The following LYZL4 variants were observed in gnomAD, a reference collection of about 807,000 sequenced individuals.
LYZL4 encodes the protein lysozyme-like protein 4.
In LYZL4, 13 loss-of-function variants were observed where a neutral mutation model predicts 17.6. The observed-to-expected ratio is 0.74, with a 90% confidence interval of 0.48 to 1.18. The LOEUF is 1.18. Among genes scored for constraint, LYZL4 ranks in the 50% most tolerant of loss-of-function variants. The pLI, the probability that LYZL4 is intolerant of heterozygous loss-of-function variation, is 0.00. For missense variants in LYZL4, 174 were observed against 188.2 expected (o/e 0.92, Z 0.44); for synonymous variants, 64 against 67.7 (o/e 0.95, Z 0.27).
the LYZL4 span, among the ~76,000 whole-genome samples, chr3:42,383,569 C>G: frequency 4.0e-5 from 6 of 151,452 alleles, no homozygotes; most frequent in Admixed American, 1.3e-4. Flanking sequence ...GATCAACACA[C>G]ATCTTAGAGA....
chr3:42,393,398 C>T (rs1227973600), downstream of LYZL4, among the ~76,000 whole-genome samples: 4 of 151,946 alleles, frequency 2.6e-5, no homozygotes, highest in Admixed American at 1.3e-4. Flanking sequence ...TCTGTAGCAG[C>T]GTTTTTACTC....
intron 4 of LYZL4, among the ~76,000 whole-genome samples, chr3:42,399,343 T>C (rs761976450): frequency 1.3e-5 from 2 of 152,138 alleles, no homozygotes; most frequent in Non-Finnish European, 2.9e-5. Flanking sequence ...AAGGATACAA[T>C]TGAAAGAACA....
chr3:42,407,143 C>T lies in LYZL4; in HGVS notation c.109G>A (p.Asp37Asn). Reference sequence around the variant, plus strand: ...TCAAGGCTATAGCCCTCAAAATAATCCAGGCCTCCATCGTGGAGTTTCTTA... The same window carrying T: ...TCAAGGCTATAGCCCTCAAAATAATTCAGGCCTCCATCGTGGAGTTTCTTA... ...VAKKLHDGGL[D>N]YFEGYSLENW... Residue 37 changes from aspartate to asparagine, a missense_variant, in exon 2 of 5, where the codon GAT becomes AAT. Transcript: ENST00000287748. 6.2e-7 allele frequency: 1 copy of T among 1,614,180 alleles called. No homozygotes were observed.
downstream of LYZL4, among the ~76,000 whole-genome samples, chr3:42,394,696 A>G (rs1698528093): frequency 6.6e-6 from 1 of 152,204 alleles, no homozygotes; most frequent in Non-Finnish European, 1.5e-5. Flanking sequence ...ACCCATTATC[A>G]GTGGGCTTGG....
the LYZL4 span, among the ~76,000 whole-genome samples, chr3:42,381,676 G>A: frequency 1.3e-5 from 2 of 152,244 alleles, no homozygotes; most frequent in Non-Finnish European, 2.9e-5. Flanking sequence ...TAAAGGCCAA[G>A]TCTCATGGGA....
downstream of LYZL4, among the ~76,000 whole-genome samples, chr3:42,393,028 G>C (rs1206158941): frequency 1.3e-5 from 2 of 151,948 alleles, no homozygotes; most frequent in African/African-American, 4.8e-5. Context: ...GAAAAATAGT[G>C]AGCCAAAAGC....
At chr3:42,397,478 A>G in intron 4 of LYZL4, 144 bp from the exon 5 acceptor site, 2 of 613,870 alleles carry the variant, frequency 3.3e-6, no homozygotes, top group Non-Finnish European at 6.0e-6. Context: ...ACGATTCTGA[A>G]GGCTTTTGTG....
At chr3:42,362,392 G>A in the LYZL4 span, among the ~76,000 whole-genome samples, 1 of 152,142 alleles carries the variant, frequency 6.6e-6, no homozygotes. Flanking sequence ...GCAATTCATG[G>A]AGGTTATCTT....
At chr3:42,408,545 C>T (rs1465934826) in intron 1 of LYZL4, among the ~76,000 whole-genome samples, 1 of 152,184 alleles carries the variant, frequency 6.6e-6, no homozygotes, top group African/African-American at 2.4e-5. Context: ...CCCTATTGCT[C>T]TCAGAGTCTC....
chr3:42,387,218 G>C, the LYZL4 span, among the ~76,000 whole-genome samples: 280 of 152,216 alleles, frequency 1.8e-3, 3 homozygotes, highest in African/African-American at 6.4e-3. Context: ...TTTTGCAGAC[G>C]AGGGAAGTGA....
chr3:42,394,262 G>T (rs1327732475), downstream of LYZL4, among the ~76,000 whole-genome samples: 1 of 152,182 alleles, frequency 6.6e-6, no homozygotes, highest in Non-Finnish European at 1.5e-5. Flanking sequence ...TACCTCTTAA[G>T]TGCAGCATCT....
intron 4 of LYZL4, among the ~76,000 whole-genome samples, chr3:42,403,764 A>G (rs1698701215): frequency 6.6e-6 from 1 of 152,250 alleles, no homozygotes; most frequent in Admixed American, 6.5e-5. Context: ...AGAGATTATC[A>G]TAATAAACAC....
At position 42,397,122 on chromosome 3, in the gene LYZL4, C is replaced by T. The variant is rs1231543683; in HGVS notation, c.*143G>A. The T allele has an allele frequency of 8.0e-6, 5 of 624,924 alleles. No homozygotes were observed. The highest frequency in any genetic ancestry group is 1.8e-5 in the African/African-American group (1 of 54,746). 38.7% of individuals were successfully genotyped at this position (624,924 alleles called of 1,614,324 possible). On this transcript the variant is annotated 3_prime_UTR_variant, in exon 5 of 5. Coordinates refer to ENST00000287748, the MANE Select transcript of LYZL4 (RefSeq NM_144634.4). ...TGGTTTATTCTGCATCCTGCATCCC[C>T]GGATGAAGCAAACTTTTGTCTTTTT...
chr3:42,388,722 A>G, the LYZL4 span, among the ~76,000 whole-genome samples: 34 of 152,256 alleles, frequency 2.2e-4, no homozygotes, highest in Non-Finnish European at 4.7e-4. Context: ...GAGTGTCTGC[A>G]TAGATGAGAT....
the LYZL4 span, among the ~76,000 whole-genome samples, chr3:42,381,370 G>GC: frequency 6.6e-6 from 1 of 152,056 alleles, no homozygotes; most frequent in East Asian, 1.9e-4. Flanking sequence ...GTCATCCCCT[G>GC]CCCCCCAGGA....
At chr3:42,406,156 T>C (rs1698743983) in intron 3 of LYZL4, among the ~76,000 whole-genome samples, 1 of 152,088 alleles carries the variant, frequency 6.6e-6, no homozygotes, top group South Asian at 2.1e-4. Context: ...AACTGCCCCC[T>C]TGAAAAAGGG....
At chr3:42,374,046 C>T in the LYZL4 span, among the ~76,000 whole-genome samples, 4 of 152,230 alleles carry the variant, frequency 2.6e-5, no homozygotes, top group African/African-American at 9.6e-5. Context: ...CCCAGTAGAG[C>T]GTTCCTCGAG....
At chr3:42,398,237 A>G (rs1235190601) in intron 4 of LYZL4, among the ~76,000 whole-genome samples, 1 of 152,128 alleles carries the variant, frequency 6.6e-6, no homozygotes, top group Admixed American at 6.6e-5. Flanking sequence ...GTCTGCCCCA[A>G]CCCTGCAGAG....
At chr3:42,376,621 A>G in the LYZL4 span, among the ~76,000 whole-genome samples, 74,089 of 152,124 alleles carry the variant, frequency 0.49, 18,465 homozygotes, top group African/African-American at 0.58. Flanking sequence ...GACCCCAACG[A>G]GTGACTCATT....
Sources: allele counts gnomAD v4.1 joint callset (sites outside exome capture counted in the v4.1 genomes callset), GRCh38; gene constraint gnomAD v4.1.1; transcripts MANE v1.5; gene names NCBI Gene and HGNC (gene_info 2026-07-23, HGNC 2026-07-21).